Variants in ANK2 observed in about 807,000 individuals in gnomAD.
ANK2 encodes ankyrin 2.
ANK2 carries 83 observed loss-of-function variants against 360.5 expected under a neutral mutation model. The observed-to-expected ratio is 0.23, with a 90% CI of 0.19 to 0.28. The LOEUF is 0.28. Ranked by LOEUF, ANK2 falls within the 10% of genes least tolerant of loss-of-function variation. The pLI is 1.00. For missense variants in ANK2, 4,201 were observed against 4,795.7 expected, an observed-to-expected ratio of 0.88 and a Z score of 3.66; for synonymous variants, 1,740 against 1,759.5, an observed-to-expected ratio of 0.99 and a Z score of 0.28.
At chr4:113,041,118 C>T (rs1049923405) in intron 2 of ANK2, among the ~76,000 whole-genome samples, 6 of 152,170 alleles carry the variant, frequency 3.9e-5, no homozygotes, top group South Asian at 2.1e-4. Context: ...CATATCCATT[C>T]GCTGCTTAGT....
chr4:112,781,771 A>T, the ANK2 span, among the ~76,000 whole-genome samples: 1 of 151,962 alleles, frequency 6.6e-6, no homozygotes, highest in Non-Finnish European at 1.5e-5. Flanking sequence ...GAATTTTAAC[A>T]GTGACTATTT....
intron 1 of ANK2, among the ~76,000 whole-genome samples, chr4:113,171,755 A>G (rs2097961611): frequency 6.6e-6 from 1 of 152,218 alleles, no homozygotes; most frequent in Admixed American, 6.5e-5. Flanking sequence ...AAAAGAGAAA[A>G]CCAGTTATGA....
intron 1 of ANK2, among the ~76,000 whole-genome samples, chr4:113,060,597 A>G (rs1159890436): frequency 7.2e-5 from 11 of 151,872 alleles, no homozygotes; most frequent in Admixed American, 5.3e-4. Context: ...GAATTAAAGA[A>G]ATAGGAGTTT....
At chr4:113,054,045 T>C (rs530945553) in intron 1 of ANK2, among the ~76,000 whole-genome samples, 91 of 152,272 alleles carry the variant, frequency 6.0e-4, no homozygotes, top group Non-Finnish European at 1.1e-3. Flanking sequence ...ATTTACATAA[T>C]TGGAAATGGG....
At chr4:113,206,749 T>C (rs2352535) in intron 4 of ANK2, among the ~76,000 whole-genome samples, 97,776 of 152,104 alleles carry the variant, frequency 0.64, 31,681 homozygotes, top group African/African-American at 0.71. Flanking sequence ...CCAGGCTGGG[T>C]GCGGTGACTC....
At position 113,067,167 on chromosome 4, in the gene ANK2, C is replaced by T. The variant is rs1361857618; in HGVS notation, c.84+17355C>T. Among the ~76,000 whole-genome samples, 5 of 151,694 alleles carry T rather than the reference C, an allele frequency of 3.3e-5. 1 individual carries two copies. The highest frequency in any genetic ancestry group is 4.2e-4 in the South Asian group (2 of 4,816). On this transcript the variant is annotated intron_variant, in intron 1 of 45. Transcript: ENST00000357077. ...TTTTTTGTCACTCTGGAGACTGCAG[C>T]GAATGGGAAAATCTGGAGACAGATT...
At chr4:113,167,603 TC>T (rs1440045528) in intron 1 of ANK2, among the ~76,000 whole-genome samples, 31 of 152,026 alleles carry the variant, frequency 2.0e-4, no homozygotes, top group Non-Finnish European at 3.5e-4. Flanking sequence ...CCCGGCCAGG[TC>T]ACCATCTTTT....
intron 1 of ANK2, among the ~76,000 whole-genome samples, chr4:113,144,971 G>A (rs2096775530): frequency 6.6e-6 from 1 of 151,768 alleles, no homozygotes; most frequent in African/African-American, 2.4e-5. Flanking sequence ...ATCTCAGTGG[G>A]AAACAATTTC....
At chr4:113,138,154 T>A (rs1292881611) in intron 1 of ANK2, among the ~76,000 whole-genome samples, 7 of 152,180 alleles carry the variant, frequency 4.6e-5, no homozygotes, top group Admixed American at 4.6e-4. Context: ...ATAGATACAT[T>A]TACTCTAAAG....
chr4:113,376,197 G>C (rs1240813772), intron 45 of ANK2, among the ~76,000 whole-genome samples: 1 of 152,164 alleles, frequency 6.6e-6, no homozygotes, highest in Non-Finnish European at 1.5e-5. Flanking sequence ...GAACATTGTA[G>C]AATGTCCTTA....
At chr4:113,192,132 T>C (rs2153366104) in intron 2 of ANK2, among the ~76,000 whole-genome samples, 1 of 152,358 alleles carries the variant, frequency 6.6e-6, no homozygotes, top group African/African-American at 2.4e-5. Flanking sequence ...GTTACGTAGG[T>C]ATACGTGTGC....
intron 2 of ANK2, among the ~76,000 whole-genome samples, chr4:112,964,883 C>T (rs2036583398): frequency 6.6e-6 from 1 of 152,122 alleles, no homozygotes. Flanking sequence ...ACCACATTTT[C>T]TTTGTCCATT....
At chr4:113,021,541 C>CATATATATATATATATATACATAT (rs2058150843) in intron 2 of ANK2, among the ~76,000 whole-genome samples, 1 of 95,572 alleles carries the variant, frequency 1.0e-5, no homozygotes, top group African/African-American at 3.8e-5. Flanking sequence ...CACACACAAA[C>CATATATATATATATATATACATAT]ATATATATAT....
At chr4:113,066,113 T>C (rs966231093) in intron 1 of ANK2, among the ~76,000 whole-genome samples, 6 of 152,172 alleles carry the variant, frequency 3.9e-5, no homozygotes, top group African/African-American at 1.4e-4. Flanking sequence ...CCTCTAAAGG[T>C]GTTTGGTTTA....
chr4:112,898,832 C>T (rs908367492), intron 1 of ANK2, among the ~76,000 whole-genome samples: 6 of 152,036 alleles, frequency 3.9e-5, no homozygotes, highest in African/African-American at 1.4e-4. Flanking sequence ...GTTGACACAG[C>T]AGGAGATAAA....
intron 2 of ANK2, among the ~76,000 whole-genome samples, chr4:112,995,513 T>C (rs1387306694): frequency 6.6e-6 from 1 of 152,160 alleles, no homozygotes; most frequent in African/African-American, 2.4e-5. Context: ...AGATGCATAG[T>C]TTGTGAATAT....
intron 2 of ANK2, among the ~76,000 whole-genome samples, chr4:113,007,901 A>G (rs2053454559): frequency 6.6e-6 from 1 of 152,282 alleles, no homozygotes; most frequent in East Asian, 1.9e-4. Context: ...GATGCAATAT[A>G]CATAAATTGC....
intron 20 of ANK2, among the ~76,000 whole-genome samples, chr4:113,289,215 CT>C (rs33910138): frequency 0.059 from 7,817 of 132,234 alleles, 695 homozygotes; most frequent in African/African-American, 0.2. Flanking sequence ...ATTTCTTTTT[CT>C]TTTTTTTTTT....
chr4:113,044,024 G>A (rs1014719415), intron 2 of ANK2, among the ~76,000 whole-genome samples: 2 of 152,072 alleles, frequency 1.3e-5, no homozygotes, highest in Non-Finnish European at 2.9e-5. Context: ...CAGGACATAG[G>A]ATCAATTTTC....
Sources: allele counts gnomAD v4.1 joint callset (sites outside exome capture counted in the v4.1 genomes callset), GRCh38; gene constraint gnomAD v4.1.1; transcripts MANE v1.5; gene names NCBI Gene and HGNC (gene_info 2026-07-23, HGNC 2026-07-21).